The following GRIK1 variants were observed in gnomAD, a reference collection of about 807,000 sequenced individuals.
The protein encoded by GRIK1 is glutamate ionotropic receptor kainate type subunit 1, also known as glutamate receptor ionotropic, kainate 1.
GRIK1 carries 69 observed loss-of-function variants against 105.7 expected under a neutral mutation model. That is an observed-to-expected ratio of 0.65 (90% CI 0.54 to 0.80). The LOEUF is 0.80. Ranked by LOEUF, GRIK1 falls within the 30% of genes least tolerant of loss-of-function variation. The probability of loss-of-function intolerance (pLI) is 0.00; values close to 1 mark genes in which losing one functional copy is unlikely to be tolerated. For missense variants in GRIK1, 1,109 were observed against 1,167.3 expected, an observed-to-expected ratio of 0.95 and a Z score of 0.73; for synonymous variants, 438 against 431.3, an observed-to-expected ratio of 1.02 and a Z score of -0.19.
intron 1 of GRIK1, among the ~76,000 whole-genome samples, chr21:29,836,249 A>G (rs1175235076): frequency 6.6e-6 from 1 of 152,242 alleles, no homozygotes; most frequent in Non-Finnish European, 1.5e-5. Context: ...AATACAATGG[A>G]TAAACCAATC....
At chr21:29,580,429 A>C (rs1035456590) in intron 13 of GRIK1, among the ~76,000 whole-genome samples, 4 of 151,970 alleles carry the variant, frequency 2.6e-5, no homozygotes, top group Admixed American at 1.3e-4. Context: ...CGTAACTAGG[A>C]TTTTCCCACT....
chr21:29,872,108 A>G (rs2069034477), intron 1 of GRIK1, among the ~76,000 whole-genome samples: 1 of 152,074 alleles, frequency 6.6e-6, no homozygotes, highest in South Asian at 2.1e-4. Context: ...GTAAATATTA[A>G]TGGTGTACGA....
rs1002459058 is a variant in GRIK1, at chr21:29,932,250, A to G, written c.118+7133T>C. On this transcript the variant is annotated intron_variant, in intron 1 of 17. Coordinates refer to ENST00000327783, the MANE Select transcript of GRIK1 (RefSeq NM_001330994.2). ...AAATAATATTTTTAAAAGCTAAAAG[A>G]AAATCTTTTCAAGCTGTGGAAGGTG... Among the ~76,000 whole-genome samples the G allele has an allele frequency of 4.6e-5, 7 of 152,304 alleles. No individual in the cohort carries two copies. In the East Asian group the frequency reaches 9.6e-4, roughly 21 times the overall value.
intron 13 of GRIK1, 23 bp from the exon 14 acceptor site, chr21:29,577,204 A>T: frequency 7.5e-7 from 1 of 1,337,646 alleles, no homozygotes; most frequent in Non-Finnish European, 1.1e-6. Flanking sequence ...CATCAGAGTA[A>T]GGGTGTTAAA....
intron 1 of GRIK1, among the ~76,000 whole-genome samples, chr21:29,798,227 T>A (rs1426281264): frequency 6.6e-6 from 1 of 152,208 alleles, no homozygotes; most frequent in Non-Finnish European, 1.5e-5. Context: ...CCTCTGAACA[T>A]CCAAGGATAC....
chr21:29,596,730 A>G, intron 8 of GRIK1, 160 bp from the exon 9 acceptor site: 1 of 651,548 alleles, frequency 1.5e-6, no homozygotes, highest in Non-Finnish European at 2.8e-6. Flanking sequence ...GACAATAGGT[A>G]CAGCAAAGAG....
chr21:29,692,824 C>T (rs533130606), intron 2 of GRIK1, among the ~76,000 whole-genome samples: 5 of 152,314 alleles, frequency 3.3e-5, no homozygotes, highest in East Asian at 1.9e-4. Context: ...CCACCTGCCT[C>T]GGCCACCCAA....
chr21:29,711,392 G>A (rs1370519287), intron 1 of GRIK1, among the ~76,000 whole-genome samples: 1 of 152,044 alleles, frequency 6.6e-6, no homozygotes, highest in Non-Finnish European at 1.5e-5. Flanking sequence ...TGTGTAATAA[G>A]CTATGATGTT....
At chr21:29,822,912 A>G (rs906743918) in intron 1 of GRIK1, among the ~76,000 whole-genome samples, 1 of 152,028 alleles carries the variant, frequency 6.6e-6, no homozygotes, top group Non-Finnish European at 1.5e-5. Context: ...TATCAAGTAC[A>G]TCACTAAGTT....
Position 29,599,790 on chromosome 21 carries a change from C to CACAA in GRIK1, c.1099-857_1099-854dup, listed in dbSNP as rs543964031. ...CCTGGGCAACAGAGCAAGACTCTGT[C>CACAA]ACAAACAAACAAACAAACAAACAAA... On this transcript the variant is annotated intron_variant, in intron 7 of 17. Transcript: ENST00000327783. Among the ~76,000 whole-genome samples, 158 of 152,198 alleles carry CACAA rather than the reference C, an allele frequency of 1.0e-3. 1 individual carries two copies. The highest frequency in any genetic ancestry group is 3.9e-3 in the South Asian group (19 of 4,824).
intron 1 of GRIK1, among the ~76,000 whole-genome samples, chr21:29,825,057 TAATAAATGATTAAAG>T (rs1202789342): frequency 3.3e-5 from 5 of 152,090 alleles, no homozygotes; most frequent in African/African-American, 4.8e-5. Context: ...TTAATTATTT[TAATAAATGATTAAAG>T]ATTAGAGCCA....
At chr21:29,914,999 G>A (rs953173760) in intron 1 of GRIK1, among the ~76,000 whole-genome samples, 10 of 151,908 alleles carry the variant, frequency 6.6e-5, no homozygotes, top group Non-Finnish European at 1.3e-4. Context: ...GAATCCAAAA[G>A]GATGAAATAT....
chr21:29,605,794 G>A (rs1457216384), intron 7 of GRIK1, among the ~76,000 whole-genome samples: 1 of 152,088 alleles, frequency 6.6e-6, no homozygotes, highest in Admixed American at 6.5e-5. Context: ...CCTTGACATA[G>A]CCATTGTCCT....
At chr21:29,712,328 GT>G (rs1192883569) in intron 1 of GRIK1, among the ~76,000 whole-genome samples, 3 of 151,672 alleles carry the variant, frequency 2.0e-5, no homozygotes, top group Non-Finnish European at 4.4e-5. Flanking sequence ...TAAAAATAAC[GT>G]TTCAATGAAT....
At chr21:29,693,390 C>G (rs1601466592) in intron 2 of GRIK1, among the ~76,000 whole-genome samples, 2 of 152,298 alleles carry the variant, frequency 1.3e-5, no homozygotes, top group East Asian at 3.9e-4. Context: ...GTAGACATTG[C>G]TCTCACAGGT....
chr21:29,902,368 C>T (rs1287046752), intron 1 of GRIK1, among the ~76,000 whole-genome samples: 1 of 152,204 alleles, frequency 6.6e-6, no homozygotes, highest in Admixed American at 6.5e-5. Context: ...TCTCTGTTTG[C>T]AGATGACATG....
At chr21:29,881,951 G>A (rs2069428036) in intron 1 of GRIK1, among the ~76,000 whole-genome samples, 1 of 151,942 alleles carries the variant, frequency 6.6e-6, no homozygotes, top group Admixed American at 6.6e-5. Context: ...TATTCACTAT[G>A]CTCGGAGGCA....
chr21:29,673,516 G>T (rs363552), intron 3 of GRIK1, among the ~76,000 whole-genome samples: 10,125 of 152,200 alleles, frequency 0.067, 912 homozygotes, highest in African/African-American at 0.2. Flanking sequence ...AAAAGTGTTC[G>T]ATGAAATAGA....
At chr21:29,583,830 T>G (rs914856861) in intron 12 of GRIK1, among the ~76,000 whole-genome samples, 10 of 152,150 alleles carry the variant, frequency 6.6e-5, no homozygotes, top group Non-Finnish European at 2.9e-5. Context: ...TGTAGACATT[T>G]CAGCTTAGAA....
Sources: gnomAD v4.1 joint callset for allele counts (sites outside exome capture counted in the v4.1 genomes callset) on GRCh38, gnomAD v4.1.1 for gene constraint, MANE v1.5 for transcripts, NCBI Gene and HGNC (gene_info 2026-07-23, HGNC 2026-07-21) for gene names.